The following CALD1 variants were observed in gnomAD, a reference collection of about 807,000 sequenced individuals.
The protein encoded by CALD1 is caldesmon 1.
In CALD1, 33 loss-of-function variants were observed where a neutral mutation model predicts 99.9. That is an observed-to-expected ratio of 0.33 (90% CI 0.25 to 0.44). The LOEUF is 0.44. CALD1 is among the 20% of genes least tolerant of loss of function. The pLI, the probability that CALD1 is intolerant of heterozygous loss-of-function variation, is 1.00. For missense variants in CALD1, 861 were observed against 962.1 expected (o/e 0.89, Z 1.39); for synonymous variants, 310 against 325.0 (o/e 0.95, Z 0.50).
At chr7:134,717,949 T>A in the CALD1 span, among the ~76,000 whole-genome samples, 1 of 152,234 alleles carries the variant, frequency 6.6e-6, no homozygotes, top group South Asian at 2.1e-4. Flanking sequence ...TATAGATGGT[T>A]TCTAGATAAA....
At chr7:134,815,417 C>T (rs1798522072) in intron 1 of CALD1, among the ~76,000 whole-genome samples, 4 of 152,124 alleles carry the variant, frequency 2.6e-5, no homozygotes. Flanking sequence ...AGTCCCAGTG[C>T]CTCCTGGAGA....
At chr7:134,779,074 T>C (rs1242039924), upstream of CALD1, among the ~76,000 whole-genome samples, 2 of 152,196 alleles carry the variant, frequency 1.3e-5, no homozygotes, top group Non-Finnish European at 2.9e-5. Context: ...CTCCTTCAGG[T>C]TTTAGAATTG....
At chr7:134,869,901 G>A (rs1586158911) in intron 3 of CALD1, among the ~76,000 whole-genome samples, 2 of 152,180 alleles carry the variant, frequency 1.3e-5, no homozygotes, top group South Asian at 4.1e-4. Flanking sequence ...ACGTACCAGG[G>A]AGATGGGGGA....
chr7:134,949,674 A>C (rs551552010), intron 8 of CALD1, among the ~76,000 whole-genome samples: 1 of 152,178 alleles, frequency 6.6e-6, no homozygotes, highest in Non-Finnish European at 1.5e-5. Flanking sequence ...CAACTCTCCT[A>C]GGATGTAGGT....
chr7:134,858,861 C>A (rs543221673), intron 2 of CALD1, among the ~76,000 whole-genome samples: 1 of 152,262 alleles, frequency 6.6e-6, no homozygotes, highest in East Asian at 1.9e-4. Flanking sequence ...AGCCACCACG[C>A]CCAGCCAGGA....
rs1808930173 is a variant in CALD1 at position 134,969,914 on chromosome 7, T to TA, written c.*1570dup. On this transcript the variant is annotated 3_prime_UTR_variant, in exon 15 of 15. Coordinates refer to ENST00000361675, the MANE Select transcript of CALD1 (RefSeq NM_033138.4). ...TCAGTGGACTTAACCAAAATTGTGT[T>TA]AGTCTCAATTCCTACCACACTGAGG... The TA allele has an allele frequency of 6.6e-6, 1 of 152,642 alleles. No homozygotes were observed. The highest frequency in any genetic ancestry group is 1.5e-5 in the Non-Finnish European group (1 of 68,044). The allele number at this position is 152,642 out of a possible 1,614,324, so 9.5% of individuals were successfully genotyped here.
At position 134,947,508 on chromosome 7, in the gene CALD1, C is replaced by T. The variant is rs768828329; in HGVS notation, c.1533C>T (p.Ser511=). ...HKLKHTENTF[S]RPGGRASVDT... is the part of the protein sequence containing the mutation. ...CCTTTCCATTGCCCCCCAACCACAG[C>T]CGCCCTGGAGGGAGGGCCAGCGTGG... is the stretch of plus-strand genomic sequence containing the variant. Residue 511 remains serine, a splice_region_variant and synonymous_variant, in exon 8 of 15, where the codon AGC becomes AGT. Transcript: ENST00000361675. 83 of 1,566,850 alleles carry T rather than the reference C, an allele frequency of 5.3e-5. No individual in the cohort carries two copies. The highest frequency in any genetic ancestry group is 7.1e-5 in the Non-Finnish European group (82 of 1,155,522).
chr7:134,764,341 T>A (rs1275793632), intron 1 of CALD1, among the ~76,000 whole-genome samples: 3 of 152,212 alleles, frequency 2.0e-5, no homozygotes, highest in Non-Finnish European at 2.9e-5. Context: ...TTTGCATTTT[T>A]AAATTCTGGC....
the CALD1 span, among the ~76,000 whole-genome samples, chr7:134,733,868 T>C: frequency 6.6e-6 from 1 of 151,394 alleles, no homozygotes; most frequent in African/African-American, 2.4e-5. Context: ...TATTAAATTA[T>C]ATAATGTCAT....
chr7:134,963,047 G>A (rs1202265420), intron 13 of CALD1: 8 of 378,306 alleles, frequency 2.1e-5, no homozygotes, highest in Non-Finnish European at 2.6e-5. Flanking sequence ...AAGATTCATC[G>A]GCAGGATTTA....
Position 134,965,383 on chromosome 7 carries a change from TA to T in CALD1, c.2375del (p.Lys792ArgfsTer20). Reference sequence around the variant, plus strand: ...CTGTGGATAAGGTCACTTCCCCCACTAAGGTAATCTATTGGGAAGACTAGTA... The same window carrying T: ...CTGTGGATAAGGTCACTTCCCCCACTAGGTAATCTATTGGGAAGACTAGTA... ...QSVDKVTSPT[K>X]V On this transcript the variant is annotated frameshift_variant and splice_region_variant, in exon 14 of 15. Transcript: ENST00000361675. LOFTEE classifies it high-confidence loss of function. 6.9e-7 allele frequency: 1 copy of T among 1,458,324 alleles called. No individual in the cohort carries two copies. Among genetic ancestry groups the T allele is most frequent in the Non-Finnish European group, 9.6e-7 (1 of 1,037,810 alleles). The allele number at this position is 1,458,324 out of a possible 1,614,324, so 90.3% of individuals were successfully genotyped here. A position where few individuals can be genotyped will look rare whatever the true frequency, so the allele number is the denominator to read the frequency against.
intron 2 of CALD1, among the ~76,000 whole-genome samples, chr7:134,865,660 G>A (rs745735267): frequency 2.8e-4 from 42 of 152,292 alleles, no homozygotes; most frequent in Non-Finnish European, 3.8e-4. Flanking sequence ...AGTGAGGATG[G>A]TCAGCCAAAC....
intron 1 of CALD1, among the ~76,000 whole-genome samples, chr7:134,756,226 C>T (rs1796726705): frequency 7.0e-6 from 1 of 142,304 alleles, no homozygotes; most frequent in African/African-American, 2.7e-5. Context: ...GAGCCTAAAT[C>T]GCACCATTGC....
At position 134,783,336 on chromosome 7, in the gene CALD1, C is replaced by T. The variant is rs1276790644; in HGVS notation, c.-130+3587C>T. ...TTCCCCAGCTCCCCCATCCCTGTAC[C>T]GGATAGGGAGCTTTCTTGATCCAAC... On this transcript the variant is annotated intron_variant, in intron 1 of 14. Coordinates refer to ENST00000361675, the MANE Select transcript of CALD1 (RefSeq NM_033138.4). This position sits in a 1 kb window ranked among gnomAD's most constrained non-coding sequence, Gnocchi z 4.3. 2.0e-5 allele frequency among the ~76,000 whole-genome samples: 3 copies of T among 152,176 alleles called. No individual in the cohort carries two copies. The highest frequency in any genetic ancestry group is 6.5e-5 in the Admixed American group (1 of 15,274).
At chr7:134,735,401 G>A in the CALD1 span, among the ~76,000 whole-genome samples, 1 of 152,142 alleles carries the variant, frequency 6.6e-6, no homozygotes, top group Non-Finnish European at 1.5e-5. Context: ...GTTTGTATGG[G>A]TGAAATATTG....
chr7:134,869,482 A>T (rs1800963196), intron 3 of CALD1, among the ~76,000 whole-genome samples: 1 of 152,110 alleles, frequency 6.6e-6, no homozygotes, highest in Non-Finnish European at 1.5e-5. Flanking sequence ...GTCAGTGAGT[A>T]TGGAAATGAA....
At chr7:134,723,800 T>C in the CALD1 span, among the ~76,000 whole-genome samples, 3 of 152,084 alleles carry the variant, frequency 2.0e-5, no homozygotes, top group African/African-American at 7.2e-5. Flanking sequence ...CAAATGTCCA[T>C]AGTGCTGAGG....
At chr7:134,930,679 A>G (rs981183610) in intron 4 of CALD1, among the ~76,000 whole-genome samples, 2 of 152,230 alleles carry the variant, frequency 1.3e-5, no homozygotes, top group African/African-American at 4.8e-5. Context: ...TTGACTCCCA[A>G]TTTGACCTTT....
At chr7:134,963,802 T>A (rs1808457359) in intron 13 of CALD1, among the ~76,000 whole-genome samples, 1 of 152,232 alleles carries the variant, frequency 6.6e-6, no homozygotes, top group African/African-American at 2.4e-5. Flanking sequence ...CAATTTGTGA[T>A]GAATGTTTAT....
Sources: gnomAD v4.1 joint callset for allele counts (sites outside exome capture counted in the v4.1 genomes callset) on GRCh38, gnomAD v4.1.1 for gene constraint, Gnocchi (gnomAD v3.1) non-coding constraint, MANE v1.5 for transcripts, NCBI Gene and HGNC (gene_info 2026-07-23, HGNC 2026-07-21) for gene names.